Variants in RUNX1 observed in about 807,000 individuals in gnomAD.
RUNX1 encodes the protein RUNX family transcription factor 1.
Under a neutral mutation model 42.8 loss-of-function variants are expected in RUNX1, and 19 were observed. That is an observed-to-expected ratio of 0.44 (90% CI 0.31 to 0.65). RUNX1 has a LOEUF of 0.65. Ranked by LOEUF, RUNX1 falls within the 30% of genes least tolerant of loss-of-function variation. The pLI is 0.07. For missense variants in RUNX1, 528 were observed against 672.0 expected, an observed-to-expected ratio of 0.79 and a Z score of 2.37; for synonymous variants, 271 against 289.4, an observed-to-expected ratio of 0.94 and a Z score of 0.64.
At chr21:34,964,733 A>G (rs541839628) in intron 2 of RUNX1, among the ~76,000 whole-genome samples, 41 of 152,300 alleles carry the variant, frequency 2.7e-4, no homozygotes, top group African/African-American at 9.9e-4. Context: ...GTCTGCCACA[A>G]ACCAGCTTTG....
At chr21:34,906,720 A>G (rs1046415788) in intron 2 of RUNX1, among the ~76,000 whole-genome samples, 7 of 152,224 alleles carry the variant, frequency 4.6e-5, no homozygotes, top group Non-Finnish European at 1.0e-4. Context: ...ACTTTCCCAA[A>G]GGACTCCTTT....
intron 2 of RUNX1, among the ~76,000 whole-genome samples, chr21:35,001,115 C>T (rs2059038714): frequency 1.3e-5 from 2 of 152,144 alleles, no homozygotes; most frequent in African/African-American, 4.8e-5. Context: ...GCTGGTTTTA[C>T]CTCCAAAACA....
intron 6 of RUNX1, among the ~76,000 whole-genome samples, chr21:34,844,450 C>A (rs954394348): frequency 6.6e-6 from 1 of 152,190 alleles, no homozygotes; most frequent in Non-Finnish European, 1.5e-5. Context: ...CTGCAGGAAT[C>A]TCAGTTCCCC....
chr21:34,889,775 G>A (rs2058056929), intron 3 of RUNX1: 1 of 1,148,564 alleles, frequency 8.7e-7, no homozygotes. Context: ...CCGGTCCGGC[G>A]TGCGCTGCCA....
rs191114741 is a variant in RUNX1, at chr21:34,796,373, C to T, written c.967+2928G>A. Among the ~76,000 whole-genome samples, 545 of 152,304 alleles carry T rather than the reference C, an allele frequency of 3.6e-3. 7 individuals carry two copies. The highest frequency in any genetic ancestry group is 0.012 in the African/African-American group (513 of 41,548). ...GCTATATTCAAATGTTGGTTTTCAT[C>T]TTTGTGTCTTGTCTCAGATCCCTTA... On this transcript the variant is annotated intron_variant, in intron 8 of 8. Coordinates refer to ENST00000675419, the MANE Select transcript of RUNX1 (RefSeq NM_001754.5).
intron 3 of RUNX1, among the ~76,000 whole-genome samples, chr21:34,891,250 T>C (rs575545347): frequency 6.7e-4 from 102 of 152,292 alleles, no homozygotes; most frequent in African/African-American, 2.4e-3. Flanking sequence ...GCTGCTCAGC[T>C]AGGAGTTTCA....
intron 6 of RUNX1, among the ~76,000 whole-genome samples, 193 bp from the exon 7 acceptor site, chr21:34,834,794 C>A (rs759362483): frequency 1.5e-4 from 23 of 152,134 alleles, no homozygotes; most frequent in Non-Finnish European, 2.6e-4. Flanking sequence ...GCAGAATGGG[C>A]CCCCTTTCAC....
At chr21:34,854,514 GGCGGAGGT>G (rs2057469251) in intron 6 of RUNX1, among the ~76,000 whole-genome samples, 1 of 151,810 alleles carries the variant, frequency 6.6e-6, no homozygotes, top group African/African-American at 2.4e-5. Flanking sequence ...GAACCTGGAA[GGCGGAGGT>G]TGCAGTGAGC....
At chr21:35,041,660 CTTTTT>C (rs36116941) in intron 2 of RUNX1, among the ~76,000 whole-genome samples, 6 of 139,474 alleles carry the variant, frequency 4.3e-5, no homozygotes, top group Admixed American at 1.4e-4. Context: ...TTCTTTCTTT[CTTTTT>C]TTTTTTTTTT....
chr21:34,974,282 G>C (rs1013670306), intron 2 of RUNX1, among the ~76,000 whole-genome samples: 11 of 152,078 alleles, frequency 7.2e-5, no homozygotes, highest in African/African-American at 2.7e-4. Context: ...AGGCTGGCCA[G>C]GGGTGCTCAT....
At chr21:34,853,150 C>T (rs2057447883) in intron 6 of RUNX1, among the ~76,000 whole-genome samples, 1 of 152,158 alleles carries the variant, frequency 6.6e-6, no homozygotes, top group Non-Finnish European at 1.5e-5. Context: ...GGTCAGGTCC[C>T]CCTTCATGCC....
In RUNX1 at chr21:34,950,243, C is replaced by T. The variant is rs978776145; in HGVS notation, c.59-57280G>A. On this transcript the variant is annotated intron_variant, in intron 2 of 8. Coordinates refer to ENST00000675419, the MANE Select transcript of RUNX1 (RefSeq NM_001754.5). Reference sequence around the variant, plus strand: ...GCTACATTGTTTAACATTCATAACCCGCATCTTATTTTGTTGTTTAGTACA... The same window carrying T: ...GCTACATTGTTTAACATTCATAACCTGCATCTTATTTTGTTGTTTAGTACA... Among the ~76,000 whole-genome samples the T allele has an allele frequency of 4.6e-5, 7 of 152,130 alleles. No homozygotes were observed. The South Asian group carries it at 1.0e-3, about 23-fold the overall frequency.
intron 2 of RUNX1, among the ~76,000 whole-genome samples, chr21:34,957,096 G>A (rs1477381892): frequency 6.6e-6 from 1 of 152,184 alleles, no homozygotes; most frequent in Admixed American, 6.5e-5. Flanking sequence ...CGAAGCCTCT[G>A]AGCTTTGTGA....
At chr21:34,886,239 AG>A (rs1397074954) in intron 4 of RUNX1, among the ~76,000 whole-genome samples, 1 of 152,224 alleles carries the variant, frequency 6.6e-6, no homozygotes, top group Non-Finnish European at 1.5e-5. Flanking sequence ...GGCTTCTGGC[AG>A]GAGCAGGCTA....
intron 7 of RUNX1, among the ~76,000 whole-genome samples, chr21:34,830,546 C>A (rs961921280): frequency 6.6e-6 from 1 of 152,146 alleles, no homozygotes; most frequent in East Asian, 1.9e-4. Flanking sequence ...GGATTCTTCT[C>A]GACACTGGTC....
At chr21:34,815,671 C>T (rs2056815751) in intron 7 of RUNX1, among the ~76,000 whole-genome samples, 1 of 152,130 alleles carries the variant, frequency 6.6e-6, no homozygotes. Flanking sequence ...AGGAAGAACG[C>T]CACTGCCAGG....
At chr21:34,854,820 T>C (rs1158267018) in intron 6 of RUNX1, among the ~76,000 whole-genome samples, 1 of 152,106 alleles carries the variant, frequency 6.6e-6, no homozygotes, top group South Asian at 2.1e-4. Flanking sequence ...GCTCTAGACA[T>C]GGTCATCCTT....
At chr21:35,049,115 TAA>T (rs79420744) in intron 1 of RUNX1, 51 bp downstream of exon 1, 8,193 of 415,998 alleles carry the variant, frequency 0.02, no homozygotes, top group Middle Eastern at 0.026. Context: ...TGTTAAAGAT[TAA>T]AAAAAAAAAA....
intron 6 of RUNX1, chr21:34,856,419 G>A (rs2095210633): frequency 1.9e-6 from 1 of 519,004 alleles, no homozygotes; most frequent in Non-Finnish European, 3.8e-6. Flanking sequence ...CATTTTAAAT[G>A]TGAGGATACC....
Sources: allele counts gnomAD v4.1 joint callset (sites outside exome capture counted in the v4.1 genomes callset), GRCh38; gene constraint gnomAD v4.1.1; transcripts MANE v1.5; gene names NCBI Gene and HGNC (gene_info 2026-07-23, HGNC 2026-07-21).